APMAP: variants seen among roughly 807,000 people sequenced by gnomAD.
APMAP encodes adipocyte plasma membrane-associated protein.
A neutral mutation model predicts 43.6 loss-of-function variants in APMAP; 33 were observed. That is an observed-to-expected ratio of 0.76 (90% CI 0.57 to 1.01). The LOEUF is 1.01. Among genes scored for constraint, APMAP ranks in the 50% least tolerant of loss-of-function variants. The pLI, the probability that APMAP is intolerant of heterozygous loss-of-function variation, is 0.00. For missense variants in APMAP, 498 were observed against 540.7 expected (o/e 0.92, Z 0.78); for synonymous variants, 224 against 216.7 (o/e 1.03, Z -0.30).
intron 1 of APMAP, among the ~76,000 whole-genome samples, chr20:24,988,903 T>C (rs554748939): frequency 1.1e-3 from 169 of 152,346 alleles, no homozygotes; most frequent in African/African-American, 3.7e-3. Context: ...CTACTAGCCA[T>C]GTGTGGTTCC....
At position 24,985,526 on chromosome 20, in the gene APMAP, A is replaced by G. The variant is rs183244260; in HGVS notation, c.96-1507T>C. On this transcript the variant is annotated intron_variant, in intron 1 of 8. Coordinates refer to ENST00000217456, the MANE Select transcript of APMAP (RefSeq NM_020531.3). ...ACCTGCCCAGGACTTCTGGCCTACA[A>G]AACTATTACATAATAAATCTGTGTT... Among the ~76,000 whole-genome samples, 242 of 152,286 alleles carry G rather than the reference A, an allele frequency of 1.6e-3. 3 individuals carry two copies. The highest frequency in any genetic ancestry group is 5.7e-3 in the African/African-American group (236 of 41,554).
chr20:24,979,256 T>C (rs1430891429), intron 2 of APMAP, among the ~76,000 whole-genome samples: 1 of 152,070 alleles, frequency 6.6e-6, no homozygotes, highest in African/African-American at 2.4e-5. Context: ...CCTAGGGTGG[T>C]GGGGGGCAGT....
chr20:24,982,143 T>A (rs1294229136), intron 2 of APMAP, among the ~76,000 whole-genome samples: 2 of 151,758 alleles, frequency 1.3e-5, no homozygotes, highest in Non-Finnish European at 2.9e-5. Context: ...GAGAGGTCCC[T>A]GTTGGCTGTG....
chr20:24,967,944 T>A (rs1568810658), intron 8 of APMAP, among the ~76,000 whole-genome samples: 1 of 152,220 alleles, frequency 6.6e-6, no homozygotes, highest in Non-Finnish European at 1.5e-5. Context: ...CCAGTCTAAC[T>A]GAGAATGTGC....
At chr20:24,978,676 C>A in intron 3 of APMAP, 91 bp downstream of exon 3, 1 of 1,022,412 alleles carries the variant, frequency 9.8e-7, no homozygotes, top group Admixed American at 2.0e-5. Context: ...AGTCCAGGGG[C>A]AGCGTGCCAC....
At position 24,969,062 on chromosome 20, in the gene APMAP, T is replaced by C; in HGVS notation, c.871A>G (p.Lys291Glu). ...IRRVYVSGLM[K>E]GGADLFVENM... is the part of the protein sequence containing the mutation. ...TCCACAAACAGATCAGCCCCGCCCT[T>C]CATCAGGCCAGAAACGTAGACTCTG... is the stretch of plus-strand genomic sequence containing the variant. The change falls in exon 8 of 9, where the codon AAG becomes GAG. Residue 291 changes from lysine (K) to glutamate (E), a missense_variant. Lys to Glu is a moderately conservative substitution (Grantham distance 56). Transcript: ENST00000217456. 1 of 1,608,418 alleles carries C rather than the reference T, an allele frequency of 6.2e-7. No homozygotes were observed. The highest frequency in any genetic ancestry group is 8.5e-7 in the Non-Finnish European group (1 of 1,177,672).
chr20:24,974,802 C>T (rs1295066437), intron 3 of APMAP, among the ~76,000 whole-genome samples: 1 of 152,078 alleles, frequency 6.6e-6, no homozygotes, highest in African/African-American at 2.4e-5. Flanking sequence ...AACATAAGAA[C>T]CTTTAATGTG....
Position 24,983,823 on chromosome 20 carries a change from C to A in APMAP, c.212+80G>T, listed in dbSNP as rs570290842. ...ACCTTTCAGATCAGATTGATTTAATCACCCTCCTTTCCTTGGAAATTATTT... is the reference window on the plus strand; with the variant it reads ...ACCTTTCAGATCAGATTGATTTAATAACCCTCCTTTCCTTGGAAATTATTT... On this transcript the variant is annotated intron_variant, in intron 2 of 8. Coordinates refer to ENST00000217456, the MANE Select transcript of APMAP (RefSeq NM_020531.3). 1.2e-5 allele frequency: 12 copies of A among 981,440 alleles called. No individual in the cohort carries two copies. The African/African-American group carries it at 2.0e-4, about 16-fold the overall frequency. The allele number at this position is 981,440 out of a possible 1,614,324, so 60.8% of individuals were successfully genotyped here.
At chr20:24,990,326 C>A (rs944610974) in intron 1 of APMAP, among the ~76,000 whole-genome samples, 14 of 152,188 alleles carry the variant, frequency 9.2e-5, no homozygotes, top group African/African-American at 3.4e-4. Flanking sequence ...TGTCCAGCTG[C>A]CAGTTCTATC....
At chr20:24,969,392 A>T (rs928121575) in intron 7 of APMAP, 134 bp downstream of exon 7, 1 of 1,380,168 alleles carries the variant, frequency 7.2e-7, no homozygotes, top group Non-Finnish European at 9.8e-7. Flanking sequence ...CGCACCCTTG[A>T]ATTTTCTTTA....
rs113801815 is a variant in APMAP at position 24,981,651 on chromosome 20, T to C, written c.212+2252A>G. 6.9e-3 allele frequency among the ~76,000 whole-genome samples: 1,048 copies of C among 152,346 alleles called. 20 individuals carry two copies. The highest frequency in any genetic ancestry group is 0.024 in the African/African-American group (981 of 41,574). The stretch of plus-strand genomic sequence containing the variant: ...CTCTCAGTTTGACAGTTTCACCCGA[T>C]AGTAAAATGTGTACTTCTAACAGTA... On this transcript the variant is annotated intron_variant, in intron 2 of 8. Coordinates refer to ENST00000217456, the MANE Select transcript of APMAP (RefSeq NM_020531.3).
At position 24,978,583 on chromosome 20, in the gene APMAP, G is replaced by A. The variant is rs113144681; in HGVS notation, c.328+184C>T. 6.1e-3 allele frequency among the ~76,000 whole-genome samples: 927 copies of A among 152,308 alleles called. 15 individuals are homozygous for A. The highest frequency in any genetic ancestry group is 0.022 in the African/African-American group (903 of 41,564). The stretch of plus-strand genomic sequence containing the variant: ...CATGCAAACTGGGCAGATGAGACCA[G>A]CAGAAAGAGCCACTAGGGCCTCCCA... On this transcript the variant is annotated intron_variant, in intron 3 of 8. Coordinates refer to ENST00000217456, the MANE Select transcript of APMAP (RefSeq NM_020531.3).
intron 1 of APMAP, among the ~76,000 whole-genome samples, chr20:24,985,446 C>A (rs2088139567): frequency 6.6e-6 from 1 of 152,110 alleles, no homozygotes; most frequent in African/African-American, 2.4e-5. Flanking sequence ...AACAGAGCCT[C>A]CCCAGAGCCT....
chr20:24,969,488 T>C (rs1487364061), intron 7 of APMAP, 38 bp downstream of exon 7: 2 of 1,579,318 alleles, frequency 1.3e-6, no homozygotes, highest in Non-Finnish European at 1.7e-6. Flanking sequence ...TGATGCGCTC[T>C]GGCCAGTAAC....
At chr20:24,988,748 C>T (rs2088168167) in intron 1 of APMAP, among the ~76,000 whole-genome samples, 2 of 152,252 alleles carry the variant, frequency 1.3e-5, no homozygotes, top group Admixed American at 1.3e-4. Context: ...ACTTCACCAA[C>T]ACCTCCTCAA....
At chr20:24,980,021 G>A (rs1648437004) in intron 2 of APMAP, among the ~76,000 whole-genome samples, 1 of 152,170 alleles carries the variant, frequency 6.6e-6, no homozygotes. Context: ...GCTCCTCATA[G>A]CACACACCAG....
intron 8 of APMAP, chr20:24,964,408 A>G (rs1184342200): frequency 2.0e-6 from 1 of 488,010 alleles, no homozygotes; most frequent in African/African-American, 2.0e-5. Context: ...CCTGGAATAC[A>G]CAAGTCTTCT....
At chr20:24,974,895 A>G (rs1164719211) in intron 3 of APMAP, among the ~76,000 whole-genome samples, 3 of 152,240 alleles carry the variant, frequency 2.0e-5, no homozygotes, top group Non-Finnish European at 4.4e-5. Context: ...TATCACAGTT[A>G]GAGACTTCAA....
intron 8 of APMAP, among the ~76,000 whole-genome samples, chr20:24,967,986 G>C (rs566052563): frequency 1.2e-4 from 19 of 152,378 alleles, no homozygotes; most frequent in African/African-American, 4.3e-4. Context: ...CAGACACACA[G>C]CCCAGCAACA....
Sources: allele counts gnomAD v4.1 joint callset (sites outside exome capture counted in the v4.1 genomes callset), GRCh38; gene constraint gnomAD v4.1.1; transcripts MANE v1.5; gene names NCBI Gene and HGNC (gene_info 2026-07-23, HGNC 2026-07-21).